PANK4: variants seen among roughly 807,000 people sequenced by gnomAD.
PANK4 encodes 4'-phosphopantetheine phosphatase.
In PANK4, 40 loss-of-function variants were observed where a neutral mutation model predicts 87.9. The observed-to-expected ratio is 0.46, with a 90% CI of 0.35 to 0.59. The LOEUF is 0.59. PANK4 is among the 20% of genes least tolerant of loss of function. The pLI is 0.00. For synonymous variants in PANK4, 524 were observed against 467.4 expected (o/e 1.12, Z -1.56); for missense variants, 926 against 1,072.3 (o/e 0.86, Z 1.90).
Position 2,508,819 on chromosome 1 carries a change from A to G in PANK4, c.*28T>C. 1 of 1,342,282 alleles carries G rather than the reference A, an allele frequency of 7.4e-7. No homozygotes were observed. The highest frequency in any genetic ancestry group is 1.1e-6 in the Non-Finnish European group (1 of 946,974). 83.1% of individuals were successfully genotyped at this position (1,342,282 alleles called of 1,614,324 possible). ...AAAAACACATTCCTGACAAGTGACA[A>G]GCAGAAGAGTCCGGCAGCTGCAGCG... On this transcript the variant is annotated 3_prime_UTR_variant, in exon 19 of 19. Transcript: ENST00000378466. The surrounding 1 kb of genome is among the most constrained non-coding windows in gnomAD (Gnocchi z 5.1).
At position 2,512,940 on chromosome 1, in the gene PANK4, T is replaced by C. The variant is rs1164394733; in HGVS notation, c.1675A>G (p.Lys559Glu). 6.2e-7 allele frequency: 1 copy of C among 1,612,652 alleles called. No homozygotes were observed. The highest frequency in any genetic ancestry group is 8.5e-7 in the Non-Finnish European group (1 of 1,179,874). ...AAGACATTCCCCGCCAGGAGGCCTT[T>C]CACCAGCGCCAGCTGCCGTTCCTCC... ...GWEERQLALV[K>E]GLLAGNVFDW... The change falls in exon 13 of 19, where the codon AAA (lysine) becomes GAA (glutamate). Residue 559 changes from lysine (K) to glutamate (E), a missense_variant. By Grantham distance (56) the Lys-to-Glu change is moderately conservative (BLOSUM62 1). Transcript: ENST00000378466.
At chr1:2,513,893 G>A (rs1268481332) in intron 12 of PANK4, 109 bp downstream of exon 12, 1 of 824,740 alleles carries the variant, frequency 1.2e-6, no homozygotes, top group South Asian at 1.3e-5. Context: ...AAACCTGCAT[G>A]GCCTCAGACA....
In PANK4 at chr1:2,508,618, A is replaced by ATC; in HGVS notation, c.*228_*229insGA. On this transcript the variant is annotated 3_prime_UTR_variant, in exon 19 of 19. Transcript: ENST00000378466. The surrounding 1 kb of genome is among the most constrained non-coding windows in gnomAD (Gnocchi z 5.1). ...CCTGTATAGATCTCTCTATTTATAT[A>ATC]TATATATATATAAAAGGTTCTTTAG... The ATC allele has an allele frequency of 3.9e-6, 1 of 255,628 alleles. No homozygotes were observed. Among genetic ancestry groups the ATC allele is most frequent in the Non-Finnish European group, 7.1e-6 (1 of 140,296 alleles). 15.8% of individuals were successfully genotyped at this position (255,628 alleles called of 1,614,324 possible). A position where few individuals can be genotyped will look rare whatever the true frequency, so the allele number is the denominator to read the frequency against.
Position 2,519,896 on chromosome 1 carries a change from A to G in PANK4, c.758T>C (p.Leu253Pro). Reference sequence around the variant, plus strand: ...GGCGCCGCCGTAGACGTCCCGCACCAGCATGTCCACATTGCTGTGCTGGCC... The same window carrying G: ...GGCGCCGCCGTAGACGTCCCGCACCGGCATGTCCACATTGCTGTGCTGGCC... ...SRGQHSNVDM[L>P]VRDVYGGAHQ... The change falls in exon 6 of 19, where the codon CTG becomes CCG. Residue 253 changes from leucine to proline, a missense_variant. Leu to Pro is a moderately conservative substitution (Grantham distance 98, BLOSUM62 -3). Transcript: ENST00000378466. The surrounding 1 kb of genome is among the most constrained non-coding windows in gnomAD (Gnocchi z 8.3). 6.4e-7 allele frequency: 1 copy of G among 1,568,268 alleles called. No individual in the cohort carries two copies. The highest frequency in any genetic ancestry group is 8.6e-7 in the Non-Finnish European group (1 of 1,156,682).
intron 12 of PANK4, among the ~76,000 whole-genome samples, chr1:2,513,790 C>T (rs889385204): frequency 1.5e-4 from 23 of 152,224 alleles, no homozygotes; most frequent in African/African-American, 5.3e-4. Flanking sequence ...TAAGTGGCCC[C>T]AGCATCTGTG....
chr1:2,511,301 G>A, intron 15 of PANK4, 37 bp downstream of exon 15: 11 of 1,519,620 alleles, frequency 7.2e-6, no homozygotes, highest in Non-Finnish European at 1.0e-5. Flanking sequence ...GCCCCGCTGT[G>A]TCCCCAGCAG....
intron 13 of PANK4, among the ~76,000 whole-genome samples, chr1:2,512,146 G>A (rs1336276879): frequency 6.6e-6 from 1 of 152,172 alleles, no homozygotes; most frequent in African/African-American, 2.4e-5. Context: ...GGCGGTGTGG[G>A]GAGCCCCCAG....
At chr1:2,513,957 G>C in intron 12 of PANK4, 45 bp downstream of exon 12, 1 of 1,376,774 alleles carries the variant, frequency 7.3e-7, no homozygotes, top group African/African-American at 1.4e-5. Flanking sequence ...GTGCCAGCGG[G>C]ACGGGGACAA....
intron 1 of PANK4, among the ~76,000 whole-genome samples, chr1:2,523,294 C>T (rs939362448): frequency 6.6e-6 from 1 of 152,160 alleles, no homozygotes; most frequent in Non-Finnish European, 1.5e-5. Context: ...GTGGACGCGT[C>T]ACAGGCTCAA....
chr1:2,513,093 C>A, intron 12 of PANK4, 54 bp from the exon 13 acceptor site: 1 of 1,530,842 alleles, frequency 6.5e-7, no homozygotes, highest in African/African-American at 1.4e-5. Context: ...TCAGCCCACC[C>A]TGGACACCTG....
rs751338982 is a variant in PANK4 at position 2,515,537 on chromosome 1, T to C, written c.1374+25A>G. On this transcript the variant is annotated intron_variant, in intron 10 of 18. Coordinates refer to ENST00000378466, the MANE Select transcript of PANK4 (RefSeq NM_018216.4). This position sits in a 1 kb window ranked among gnomAD's most constrained non-coding sequence, Gnocchi z 5.0. ...TAACCCGGCTGCGGCCTTGGAATCG[T>C]CTAGACGGCACCCGGAGCCCTCACC... 1.9e-6 allele frequency: 3 copies of C among 1,611,168 alleles called. No homozygotes were observed. In the South Asian group the frequency reaches 3.3e-5, roughly 18 times the overall value.
intron 2 of PANK4, 72 bp downstream of exon 2, chr1:2,521,646 C>G: frequency 8.3e-7 from 1 of 1,199,578 alleles, no homozygotes; most frequent in Non-Finnish European, 1.2e-6. Flanking sequence ...GGGATGACTG[C>G]GAGACAAGTG....
Position 2,514,393 on chromosome 1 carries a change from T to C in PANK4, c.1448A>G (p.Lys483Arg), listed in dbSNP as rs1314967214. ...AAERAEKFRQ[K>R]YWNKLQTLRQ... ...CAGGGTCTGAAGCTTGTTCCAGTACTTCTGCCGGAACTTCTCCGCCCTCTC... is the reference window on the plus strand; with the variant it reads ...CAGGGTCTGAAGCTTGTTCCAGTACCTCTGCCGGAACTTCTCCGCCCTCTC... The change falls in exon 11 of 19, where the codon AAG becomes AGG. Residue 483 changes from lysine (K) to arginine (R), a missense_variant. Coordinates refer to ENST00000378466, the MANE Select transcript of PANK4 (RefSeq NM_018216.4). 3 of 1,612,380 alleles carry C rather than the reference T, an allele frequency of 1.9e-6. No homozygotes were observed. Among genetic ancestry groups the C allele is most frequent in the Non-Finnish European group, 2.5e-6 (3 of 1,179,876 alleles).
In PANK4 at chr1:2,518,167, G is replaced by T. The variant is rs749756644; in HGVS notation, c.1215C>A (p.Gly405=). 6.3e-7 allele frequency: 1 copy of T among 1,599,716 alleles called. No individual in the cohort carries two copies. Among genetic ancestry groups the T allele is most frequent in the Non-Finnish European group, 8.5e-7 (1 of 1,174,936 alleles). ...GCGGCCAGAGCCCACTACTCACAGTGCCACTCCGCGCCCGCTGCGCCGGGC... is the reference window on the plus strand; with the variant it reads ...GCGGCCAGAGCCCACTACTCACAGTTCCACTCCGCGCCCGCTGCGCCGGGC... ...ELGPAQRARS[G]TFDLLEMDRL... is the part of the protein sequence containing the mutation. The change falls in exon 9 of 19, where the codon GGC becomes GGA. Residue 405 remains glycine, a synonymous_variant. Coordinates refer to ENST00000378466, the MANE Select transcript of PANK4 (RefSeq NM_018216.4).
chr1:2,511,309 C>T (rs1161833533), intron 15 of PANK4, 29 bp downstream of exon 15: 1 of 1,562,626 alleles, frequency 6.4e-7, no homozygotes, highest in East Asian at 2.2e-5. Context: ...GTGTCCCCAG[C>T]AGCAGAGGTG....
At chr1:2,511,519 A>G in intron 14 of PANK4, 109 bp downstream of exon 14, 1 of 1,072,818 alleles carries the variant, frequency 9.3e-7, no homozygotes, top group Non-Finnish European at 1.5e-6. Flanking sequence ...CAGAGCCTTG[A>G]GCAGGGGAGG....
In PANK4 at chr1:2,513,004, G is replaced by A; in HGVS notation, c.1611C>T (p.Cys537=). 1 of 1,608,716 alleles carries A rather than the reference G, an allele frequency of 6.2e-7. No individual in the cohort carries two copies. The highest frequency in any genetic ancestry group is 1.1e-5 in the South Asian group (1 of 90,950). ...KQRENGVALR[C]FPGVVRSLDA... ...CCAGGGAGCGCACGACCCCGGGGAAGCACCTCAGCGCCACGCCATTCTCCC... is the reference window on the plus strand; with the variant it reads ...CCAGGGAGCGCACGACCCCGGGGAAACACCTCAGCGCCACGCCATTCTCCC... The change falls in exon 13 of 19, where the codon TGC becomes TGT. Residue 537 remains cysteine (C), a synonymous_variant. Coordinates refer to ENST00000378466, the MANE Select transcript of PANK4 (RefSeq NM_018216.4).
chr1:2,522,729 T>C (rs879735930), intron 1 of PANK4, among the ~76,000 whole-genome samples: 260 of 152,276 alleles, frequency 1.7e-3, no homozygotes, highest in Non-Finnish European at 2.9e-3. Context: ...GTGTGTGTTA[T>C]AGTGACTTAA....
At chr1:2,522,245 C>A (rs190611797) in intron 1 of PANK4, among the ~76,000 whole-genome samples, 93 of 152,336 alleles carry the variant, frequency 6.1e-4, no homozygotes, top group Admixed American at 1.6e-3. Flanking sequence ...ACAAAGGAGG[C>A]TCTCCTCACA....
Sources: allele counts gnomAD v4.1 joint callset (sites outside exome capture counted in the v4.1 genomes callset), GRCh38; gene constraint gnomAD v4.1.1; non-coding constraint Gnocchi (gnomAD v3.1); transcripts MANE v1.5; gene names NCBI Gene and HGNC (gene_info 2026-07-23, HGNC 2026-07-21).